PCBD2: variants seen among roughly 807,000 people sequenced by gnomAD.
PCBD2 encodes pterin-4 alpha-carbinolamine dehydratase 2, also known as pterin-4-alpha-carbinolamine dehydratase 2.
PCBD2 carries 12 observed loss-of-function variants against 16.4 expected under a neutral mutation model. The observed-to-expected ratio is 0.73, with a 90% CI of 0.47 to 1.19. The LOEUF (loss-of-function observed/expected upper bound fraction) is 1.19. PCBD2 is among the 50% of genes most tolerant of loss of function. The pLI, the probability that PCBD2 is intolerant of heterozygous loss-of-function variation, is 0.00. For synonymous variants in PCBD2, 58 were observed against 61.8 expected (o/e 0.94, Z 0.29); for missense variants, 138 against 156.8 (o/e 0.88, Z 0.64).
At position 134,926,015 on chromosome 5, in the gene PCBD2, T is replaced by C. The variant is rs535649620; in HGVS notation, c.216+15549T>C. The C allele has an allele frequency of 1.3e-5, 5 of 378,806 alleles. No individual in the cohort carries two copies. In the South Asian group the frequency reaches 6.7e-4, roughly 51 times the overall value. 23.5% of individuals were successfully genotyped at this position (378,806 alleles called of 1,614,324 possible). On this transcript the variant is annotated intron_variant, in intron 2 of 3. Coordinates refer to ENST00000254908, the MANE Select transcript of PCBD2 (RefSeq NM_032151.5). Reference sequence around the variant, plus strand: ...CAACTAATGAGTAAAAAGGATATAATTCCTACGCCTTCTCAGCCGATGAAT... The same window carrying C: ...CAACTAATGAGTAAAAAGGATATAACTCCTACGCCTTCTCAGCCGATGAAT...
chr5:134,920,913 G>A (rs932701427), intron 2 of PCBD2, among the ~76,000 whole-genome samples: 5 of 152,242 alleles, frequency 3.3e-5, no homozygotes, highest in African/African-American at 9.6e-5. Context: ...TGATCCGCCC[G>A]CCTTGGCCTC....
At chr5:134,912,871 C>T (rs533530079) in intron 2 of PCBD2, among the ~76,000 whole-genome samples, 21 of 152,292 alleles carry the variant, frequency 1.4e-4, no homozygotes, top group African/African-American at 4.6e-4. Context: ...TAGTGACCCT[C>T]TGGCGCTGAT....
intron 1 of PCBD2, among the ~76,000 whole-genome samples, chr5:134,909,919 A>C (rs972266974): frequency 6.6e-6 from 1 of 152,080 alleles, no homozygotes; most frequent in South Asian, 2.1e-4. Flanking sequence ...AAATACAAAA[A>C]ATTAGTTGGG....
chr5:134,926,390 T>C (rs113534292), intron 2 of PCBD2: 8 of 384,850 alleles, frequency 2.1e-5, no homozygotes, highest in African/African-American at 1.7e-4. Flanking sequence ...TTAGGGTTAA[T>C]GAGGGTGGTA....
chr5:134,914,001 T>G (rs1157160538), intron 2 of PCBD2, among the ~76,000 whole-genome samples: 1 of 152,046 alleles, frequency 6.6e-6, no homozygotes, highest in Non-Finnish European at 1.5e-5. Flanking sequence ...GAGGTACTTA[T>G]TAGTCATCCA....
chr5:134,922,821 C>A (rs976328440), intron 2 of PCBD2, among the ~76,000 whole-genome samples: 1 of 152,060 alleles, frequency 6.6e-6, no homozygotes, highest in Non-Finnish European at 1.5e-5. Flanking sequence ...CGCCACCACG[C>A]CCAGCTAATT....
chr5:134,945,462 T>C (rs958261552), intron 2 of PCBD2, among the ~76,000 whole-genome samples: 5 of 152,274 alleles, frequency 3.3e-5, no homozygotes, highest in East Asian at 3.9e-4. Context: ...GAATTACTTA[T>C]ATAAAAAAAG....
At chr5:134,958,936 A>G in intron 2 of PCBD2, 104 bp from the exon 3 acceptor site, 1 of 802,310 alleles carries the variant, frequency 1.2e-6, no homozygotes, top group Non-Finnish European at 2.0e-6. Flanking sequence ...AGGCTTCCCT[A>G]AGGATCCTTG....
At chr5:134,917,090 G>A (rs1007563741) in intron 2 of PCBD2, among the ~76,000 whole-genome samples, 4 of 152,220 alleles carry the variant, frequency 2.6e-5, no homozygotes, top group Non-Finnish European at 4.4e-5. Flanking sequence ...CAAAATGTCA[G>A]GTAGAAATGT....
intron 2 of PCBD2, among the ~76,000 whole-genome samples, chr5:134,935,605 C>G (rs1751150534): frequency 6.6e-6 from 1 of 152,094 alleles, no homozygotes; most frequent in Admixed American, 6.6e-5. Flanking sequence ...CTTTGGTGTC[C>G]TCTCATTTGA....
At chr5:134,958,994 G>C in intron 2 of PCBD2, 46 bp from the exon 3 acceptor site, 1 of 1,468,394 alleles carries the variant, frequency 6.8e-7, no homozygotes, top group Non-Finnish European at 9.5e-7. Context: ...TCAGGCTTAG[G>C]GTAGAGGACA....
At chr5:134,945,658 A>G (rs1365527758) in intron 2 of PCBD2, among the ~76,000 whole-genome samples, 4 of 152,230 alleles carry the variant, frequency 2.6e-5, no homozygotes, top group African/African-American at 7.2e-5. Flanking sequence ...TTTATATTCA[A>G]GATTCAGCTA....
intron 2 of PCBD2, among the ~76,000 whole-genome samples, chr5:134,912,850 C>T (rs762064537): frequency 2.0e-5 from 3 of 152,100 alleles, no homozygotes; most frequent in African/African-American, 4.8e-5. Context: ...GCTCACAACT[C>T]GTGAGTAGAG....
chr5:134,913,022 C>G (rs1020147997), intron 2 of PCBD2, among the ~76,000 whole-genome samples: 8 of 152,150 alleles, frequency 5.3e-5, no homozygotes, highest in Admixed American at 2.0e-4. Context: ...CTCTTCTGGT[C>G]TTTCTCCATG....
At chr5:134,928,762 G>C (rs1002664312) in intron 2 of PCBD2, among the ~76,000 whole-genome samples, 35 of 152,298 alleles carry the variant, frequency 2.3e-4, no homozygotes, top group African/African-American at 7.9e-4. Flanking sequence ...GTAAACCCGG[G>C]AGGCAGAGCT....
At chr5:134,941,388 A>C (rs953754011) in intron 2 of PCBD2, among the ~76,000 whole-genome samples, 1 of 152,220 alleles carries the variant, frequency 6.6e-6, no homozygotes, top group Non-Finnish European at 1.5e-5. Context: ...TGGGAGTTGA[A>C]AAAAGGGATT....
At chr5:134,925,982 C>T (rs568117968) in intron 2 of PCBD2, 49 of 387,062 alleles carry the variant, frequency 1.3e-4, no homozygotes, top group Admixed American at 1.0e-3. Context: ...TCTGCTCGGG[C>T]GTATCATCAA....
chr5:134,925,793 T>A, intron 2 of PCBD2: 1 of 395,824 alleles, frequency 2.5e-6, no homozygotes, highest in Non-Finnish European at 4.5e-6. Flanking sequence ...TGAGCTGATT[T>A]GCCTGCTGCT....
At chr5:134,934,711 A>T (rs1344198089) in intron 2 of PCBD2, among the ~76,000 whole-genome samples, 1 of 152,190 alleles carries the variant, frequency 6.6e-6, no homozygotes, top group Non-Finnish European at 1.5e-5. Flanking sequence ...TCAGCTTTTT[A>T]TATGCCACAG....
Sources: allele counts gnomAD v4.1 joint callset (sites outside exome capture counted in the v4.1 genomes callset), GRCh38; gene constraint gnomAD v4.1.1; transcripts MANE v1.5; gene names NCBI Gene and HGNC (gene_info 2026-07-23, HGNC 2026-07-21).